IGHMBP2: variants seen among roughly 807,000 people sequenced by gnomAD.
IGHMBP2 encodes the protein DNA-binding protein SMUBP-2.
A neutral mutation model predicts 96.0 loss-of-function variants in IGHMBP2; 81 were observed. The ratio of observed to expected loss-of-function variants is 0.84; its 90% CI spans 0.71 to 1.01. The LOEUF is 1.01. Among genes scored for constraint, IGHMBP2 ranks in the 50% least tolerant of loss-of-function variants. The pLI, the probability that IGHMBP2 is intolerant of heterozygous loss-of-function variation, is 0.00. For missense variants in IGHMBP2, 1,227 were observed against 1,306.3 expected (o/e 0.94, Z 0.94); for synonymous variants, 557 against 548.9 (o/e 1.01, Z -0.21).
rs374952782 is a variant in IGHMBP2 at position 68,911,514 on chromosome 11, G to A, written c.622G>A (p.Glu208Lys). The A allele has an allele frequency of 7.4e-6, 12 of 1,614,144 alleles. No homozygotes were observed. ...EAVLFALSQK[E>K]LAIIHGPPGT... is the part of the protein sequence containing the mutation. ...GGTTTTATTTGCGCTGTCTCAGAAA[G>A]AACTTGCCATCATCCATGGACCTCC... Residue 208 changes from glutamate to lysine, a missense_variant, in exon 5 of 15, where the codon GAA becomes AAA. Around this residue, in one of 3 missense-constraint regions of IGHMBP2, gnomAD observed 507 missense variants for 496.9 expected, o/e 1.02. Transcript: ENST00000255078.
intron 14 of IGHMBP2, among the ~76,000 whole-genome samples, 162 bp from the exon 15 acceptor site, chr11:68,939,372 G>A (rs1168843447): frequency 2.6e-5 from 4 of 152,190 alleles, no homozygotes; most frequent in South Asian, 2.1e-4. Flanking sequence ...CCACCCCGCC[G>A]CTCTCCCGCC....
At chr11:68,930,298 T>G in intron 8 of IGHMBP2, 1 of 1,288,668 alleles carries the variant, frequency 7.8e-7, no homozygotes, top group Non-Finnish European at 1.0e-6. Flanking sequence ...TTGAAACACT[T>G]CTCTGTTTCA....
At chr11:68,907,999 T>TC (rs1397857999) in intron 2 of IGHMBP2, 146 bp from the exon 3 acceptor site, 17 of 708,100 alleles carry the variant, frequency 2.4e-5, no homozygotes, top group Admixed American at 9.9e-5. Flanking sequence ...TAACTTACTT[T>TC]CTTTTTTTTT....
At position 68,929,243 on chromosome 11, in the gene IGHMBP2, T is replaced by C. The variant is rs1193634362; in HGVS notation, c.1121T>C (p.Ile374Thr). ...LPESYFDVVVIDECAQALEAS... is the reference protein window; with the variant it reads ...LPESYFDVVVTDECAQALEAS... ...GAGAGCTACTTCGACGTGGTGGTCA[T>C]TGACGAGTGTGCCCAGGCCCTCGAG... is the stretch of plus-strand genomic sequence containing the variant. The change falls in exon 8 of 15, where the codon ATT (isoleucine) becomes ACT (threonine). Residue 374 changes from isoleucine (I) to threonine (T), a missense_variant. Around this residue, in one of 3 missense-constraint regions of IGHMBP2, gnomAD observed 507 missense variants for 496.9 expected, o/e 1.02. Coordinates refer to ENST00000255078, the MANE Select transcript of IGHMBP2 (RefSeq NM_002180.3). 6.2e-7 allele frequency: 1 copy of C among 1,613,852 alleles called. No individual in the cohort carries two copies. The highest frequency in any genetic ancestry group is 8.5e-7 in the Non-Finnish European group (1 of 1,180,034).
intron 1 of IGHMBP2, 96 bp from the exon 2 acceptor site, chr11:68,905,973 A>T: frequency 8.0e-7 from 1 of 1,249,484 alleles, no homozygotes; most frequent in Non-Finnish European, 1.2e-6. Context: ...CTGTGAGTAG[A>T]TCTTTATCTA....
intron 13 of IGHMBP2, 134 bp downstream of exon 13, chr11:68,937,225 A>G: frequency 8.7e-7 from 1 of 1,144,042 alleles, no homozygotes; most frequent in Non-Finnish European, 1.3e-6. Context: ...TTTTAGCTTT[A>G]TTTTCAGTCA....
chr11:68,938,718 GTCAT>G (rs1859644312), intron 14 of IGHMBP2, among the ~76,000 whole-genome samples: 1 of 152,078 alleles, frequency 6.6e-6, no homozygotes, highest in African/African-American at 2.4e-5. Flanking sequence ...CGGCTGCTGT[GTCAT>G]TCATTCCTTG....
chr11:68,920,278 A>G (rs550924757), intron 7 of IGHMBP2, among the ~76,000 whole-genome samples: 2 of 152,146 alleles, frequency 1.3e-5, no homozygotes, highest in Non-Finnish European at 2.9e-5. Context: ...AGGCTGGAGT[A>G]CAGTGGTGCG....
At chr11:68,923,025 C>A (rs1858935782) in intron 7 of IGHMBP2, among the ~76,000 whole-genome samples, 1 of 152,148 alleles carries the variant, frequency 6.6e-6, no homozygotes, top group South Asian at 2.1e-4. Flanking sequence ...ACTATTATTT[C>A]TCTATCACCT....
chr11:68,934,067 C>T (rs1021853666), intron 10 of IGHMBP2, 154 bp downstream of exon 10: 26 of 697,678 alleles, frequency 3.7e-5, no homozygotes, highest in Non-Finnish European at 6.5e-5. Flanking sequence ...AGAGGCTGAG[C>T]AGCATCGTTT....
chr11:68,934,631 G>T, intron 11 of IGHMBP2, 73 bp downstream of exon 11: 2 of 1,189,986 alleles, frequency 1.7e-6, no homozygotes, highest in Non-Finnish European at 2.4e-6. Flanking sequence ...AAGAAAAAGG[G>T]TGATTTGTTG....
chr11:68,935,977 C>A (rs370105720), intron 12 of IGHMBP2, among the ~76,000 whole-genome samples: 4 of 152,194 alleles, frequency 2.6e-5, no homozygotes, highest in Non-Finnish European at 5.9e-5. Flanking sequence ...ACACCCCAGG[C>A]GGCCCCTGAG....
In IGHMBP2 at chr11:68,940,075, A is replaced by T; in HGVS notation, c.*344A>T. 3.3e-6 allele frequency: 1 copy of T among 306,664 alleles called. No individual in the cohort carries two copies. The highest frequency in any genetic ancestry group is 6.1e-6 in the Non-Finnish European group (1 of 163,420). The allele number at this position is 306,664 out of a possible 1,614,324, so 19.0% of individuals were successfully genotyped here. A position where few individuals can be genotyped will look rare whatever the true frequency, so the allele number is the denominator to read the frequency against. ...TACCCAGGGCCTCAAACTTGAAGTC[A>T]CTCCTCCAATGTCTGGGACTTGCCA... On this transcript the variant is annotated 3_prime_UTR_variant, in exon 15 of 15. Coordinates refer to ENST00000255078, the MANE Select transcript of IGHMBP2 (RefSeq NM_002180.3).
chr11:68,913,812 T>TG (rs776414281), intron 5 of IGHMBP2, among the ~76,000 whole-genome samples: 2 of 152,090 alleles, frequency 1.3e-5, no homozygotes, highest in Non-Finnish European at 2.9e-5. Flanking sequence ...CTCAGCTACT[T>TG]GGGAGGCTGA....
At chr11:68,930,164 C>G in intron 8 of IGHMBP2, 1 of 1,207,888 alleles carries the variant, frequency 8.3e-7, no homozygotes, top group Non-Finnish European at 1.1e-6. Flanking sequence ...GGCACGTGGG[C>G]TGTCCTTGGA....
At chr11:68,937,220 G>C (rs1859581610) in intron 13 of IGHMBP2, 129 bp downstream of exon 13, 2 of 1,234,652 alleles carry the variant, frequency 1.6e-6, no homozygotes, top group East Asian at 2.4e-5. Flanking sequence ...TGTCATTTTA[G>C]CTTTATTTTC....
At chr11:68,934,098 C>T in intron 10 of IGHMBP2, 185 bp downstream of exon 10, 2 of 648,050 alleles carry the variant, frequency 3.1e-6, no homozygotes, top group Non-Finnish European at 5.6e-6. Flanking sequence ...GAGCAGACCG[C>T]TCCTGGGTGA....
At chr11:68,930,666 T>C (rs1250327769) in intron 8 of IGHMBP2, 4 of 236,126 alleles carry the variant, frequency 1.7e-5, no homozygotes, top group Non-Finnish European at 2.8e-5. Flanking sequence ...GTTCTTGTCC[T>C]GCATCCAGGA....
chr11:68,915,191 T>TC (rs1858611289), intron 6 of IGHMBP2, among the ~76,000 whole-genome samples, 168 bp downstream of exon 6: 1 of 104,252 alleles, frequency 9.6e-6, no homozygotes, highest in South Asian at 3.1e-4. Context: ...TTTTTTTTTT[T>TC]TTTTTGTGAC....
Sources: gnomAD v4.1 joint callset for allele counts (sites outside exome capture counted in the v4.1 genomes callset) on GRCh38, gnomAD v4.1.1 for gene constraint, gnomAD v4.1.1 regional missense constraint, MANE v1.5 for transcripts, NCBI Gene and HGNC (gene_info 2026-07-23, HGNC 2026-07-21) for gene names.